ARHGAP29: variants seen among roughly 807,000 people sequenced by gnomAD.
The protein encoded by ARHGAP29 is rho GTPase-activating protein 29.
ARHGAP29 carries 43 observed loss-of-function variants against 122.6 expected under a neutral mutation model. The observed-to-expected ratio is 0.35, with a 90% CI of 0.27 to 0.45. The LOEUF is 0.45. Among genes scored for constraint, ARHGAP29 ranks in the 20% least tolerant of loss-of-function variants. The probability of loss-of-function intolerance (pLI) is 1.00; values close to 1 mark genes in which losing one functional copy is unlikely to be tolerated. For synonymous variants in ARHGAP29, 506 were observed against 497.1 expected (o/e 1.02, Z -0.24); for missense variants, 1,303 against 1,477.2 (o/e 0.88, Z 1.93).
chr1:94,197,006 G>A (rs1218154891), intron 12 of ARHGAP29, among the ~76,000 whole-genome samples: 1 of 151,798 alleles, frequency 6.6e-6, no homozygotes, highest in Non-Finnish European at 1.5e-5. Flanking sequence ...CCCAAAGAAA[G>A]TAGAAATAAG....
chr1:94,266,178 T>C (rs984560979), intron 1 of ARHGAP29, among the ~76,000 whole-genome samples: 1 of 151,986 alleles, frequency 6.6e-6, no homozygotes, highest in African/African-American at 2.4e-5. Flanking sequence ...AGCAGGAAAA[T>C]AGAAAATGAC....
At chr1:94,220,425 G>T in intron 2 of ARHGAP29, 33 bp from the exon 3 acceptor site, 1 of 1,523,908 alleles carries the variant, frequency 6.6e-7, no homozygotes. Context: ...TTTATTTCCA[G>T]AGCAAAGTTC....
At chr1:94,201,693 C>T (rs1483095140) in intron 12 of ARHGAP29, 27 bp downstream of exon 12, 2 of 1,612,172 alleles carry the variant, frequency 1.2e-6, no homozygotes, top group Admixed American at 3.3e-5. Context: ...TTCTTCTTGC[C>T]TTCAAAATAC....
intron 2 of ARHGAP29, among the ~76,000 whole-genome samples, chr1:94,228,904 A>G (rs1479262425): frequency 6.6e-6 from 1 of 151,880 alleles, no homozygotes; most frequent in African/African-American, 2.4e-5. Flanking sequence ...GAAAAAATGT[A>G]TTCTGACTAA....
intron 1 of ARHGAP29, among the ~76,000 whole-genome samples, chr1:94,274,744 T>G (rs1655119773): frequency 6.6e-6 from 1 of 152,164 alleles, no homozygotes; most frequent in African/African-American, 2.4e-5. Flanking sequence ...TTGCCAACTC[T>G]CTGCTCCCAC....
chr1:94,268,569 T>C (rs1654865191), intron 1 of ARHGAP29, among the ~76,000 whole-genome samples: 1 of 152,252 alleles, frequency 6.6e-6, no homozygotes, highest in East Asian at 1.9e-4. Flanking sequence ...TCATTAATAC[T>C]TTCAAGTGAC....
At chr1:94,243,542 A>G (rs1038399409) in intron 1 of ARHGAP29, among the ~76,000 whole-genome samples, 5 of 152,050 alleles carry the variant, frequency 3.3e-5, no homozygotes, top group African/African-American at 1.2e-4. Flanking sequence ...TACAAAGTAA[A>G]AGTCATGGTT....
Position 94,179,910 on chromosome 1 carries a change from G to A in ARHGAP29, c.2295C>T (p.Asp765=). The change falls in exon 20 of 23, where the codon GAC becomes GAT. Residue 765 remains aspartate (D), a synonymous_variant. Transcript: ENST00000260526. ...ILFRLYKEFI[D]LAKEIQHVNE... ...TTACATGTTGGATCTCTTTTGCAAG[G>A]TCTATAAATTCCTTGTACAATCGAA... 6.2e-7 allele frequency: 1 copy of A among 1,612,130 alleles called. No individual in the cohort carries two copies. Among genetic ancestry groups the A allele is most frequent in the Non-Finnish European group, 8.5e-7 (1 of 1,179,426 alleles).
intron 19 of ARHGAP29, among the ~76,000 whole-genome samples, chr1:94,183,469 T>C (rs925137282): frequency 1.3e-5 from 2 of 151,988 alleles, no homozygotes; most frequent in Non-Finnish European, 2.9e-5. Context: ...GACCTACTCC[T>C]GCAAACTACA....
chr1:94,293,136 G>T, the ARHGAP29 span, among the ~76,000 whole-genome samples: 8 of 152,192 alleles, frequency 5.3e-5, no homozygotes, highest in African/African-American at 1.9e-4. Flanking sequence ...CTTCCCTGCC[G>T]CTTTGTTTAC....
chr1:94,309,886 G>T, the ARHGAP29 span, among the ~76,000 whole-genome samples: 2 of 152,106 alleles, frequency 1.3e-5, no homozygotes, highest in African/African-American at 4.8e-5. Context: ...GTCCTATGCT[G>T]CACACTTCAT....
At chr1:94,296,079 A>G in the ARHGAP29 span, among the ~76,000 whole-genome samples, 1 of 152,182 alleles carries the variant, frequency 6.6e-6, no homozygotes, top group African/African-American at 2.4e-5. Flanking sequence ...CCAAGGTTTC[A>G]GTTACCCATG....
the ARHGAP29 span, among the ~76,000 whole-genome samples, chr1:94,312,334 CCTT>C: frequency 1.3e-5 from 2 of 150,970 alleles, no homozygotes; most frequent in African/African-American, 2.4e-5. Context: ...CGGCCTTCCT[CCTT>C]CTTCTTCATT....
intron 12 of ARHGAP29, among the ~76,000 whole-genome samples, chr1:94,196,625 T>TC: frequency 6.6e-6 from 1 of 152,216 alleles, no homozygotes; most frequent in Admixed American, 6.5e-5. Flanking sequence ...ATGACTCACA[T>TC]CCTGGGTCAT....
intron 3 of ARHGAP29, among the ~76,000 whole-genome samples, chr1:94,214,872 T>C (rs903025887): frequency 3.9e-5 from 6 of 152,176 alleles, no homozygotes; most frequent in African/African-American, 1.4e-4. Context: ...AAAATACATA[T>C]TGCATCATGA....
chr1:94,265,991 C>T (rs889831679), intron 1 of ARHGAP29, among the ~76,000 whole-genome samples: 1 of 152,164 alleles, frequency 6.6e-6, no homozygotes, highest in African/African-American at 2.4e-5. Flanking sequence ...GCATGTGATG[C>T]AGGGAGACTG....
At chr1:94,265,981 G>C (rs1355141028) in intron 1 of ARHGAP29, among the ~76,000 whole-genome samples, 1 of 152,212 alleles carries the variant, frequency 6.6e-6, no homozygotes, top group Non-Finnish European at 1.5e-5. Context: ...CATAGAACAA[G>C]CATGTGATGC....
At chr1:94,193,400 T>C (rs938382169) in intron 12 of ARHGAP29, 14 of 149,764 alleles carry the variant, frequency 9.3e-5, no homozygotes, top group African/African-American at 3.2e-4. Flanking sequence ...AAACAATAGT[T>C]GAAAACTTCT....
intron 5 of ARHGAP29, 73 bp downstream of exon 5, chr1:94,208,759 C>G: frequency 1.3e-6 from 2 of 1,484,190 alleles, no homozygotes; most frequent in Non-Finnish European, 1.9e-6. Context: ...CACCCCCGGC[C>G]TAAGATTAGG....
Sources: allele counts gnomAD v4.1 joint callset (sites outside exome capture counted in the v4.1 genomes callset), GRCh38; gene constraint gnomAD v4.1.1; transcripts MANE v1.5; gene names NCBI Gene and HGNC (gene_info 2026-07-23, HGNC 2026-07-21).